SPAG16: variants seen among roughly 807,000 people sequenced by gnomAD.
SPAG16 encodes sperm-associated antigen 16 protein.
A neutral mutation model predicts 80.4 loss-of-function variants in SPAG16; 86 were observed. That is an observed-to-expected ratio of 1.07 (90% CI 0.90 to 1.28). The LOEUF (loss-of-function observed/expected upper bound fraction) is 1.28, where lower values mean the gene tolerates loss of function less well. Among genes scored for constraint, SPAG16 ranks in the 50% most tolerant of loss-of-function variants. The probability of loss-of-function intolerance (pLI) is 0.00; values close to 1 mark genes in which losing one functional copy is unlikely to be tolerated. For missense variants in SPAG16, 870 were observed against 765.3 expected, an observed-to-expected ratio of 1.14 and a Z score of -1.61; for synonymous variants, 294 against 265.9, an observed-to-expected ratio of 1.11 and a Z score of -1.03.
chr2:213,507,899 A>G (rs2075032660), intron 10 of SPAG16, among the ~76,000 whole-genome samples: 1 of 152,340 alleles, frequency 6.6e-6, no homozygotes, highest in Non-Finnish European at 1.5e-5. Context: ...TCATTAATCA[A>G]TAGTGTATGG....
At chr2:213,719,586 C>A (rs2066419390) in intron 10 of SPAG16, among the ~76,000 whole-genome samples, 1 of 152,204 alleles carries the variant, frequency 6.6e-6, no homozygotes, top group South Asian at 2.1e-4. Flanking sequence ...AAGCAGGCTG[C>A]CCGAGCCAGC....
intron 15 of SPAG16, among the ~76,000 whole-genome samples, chr2:214,187,211 C>T (rs1387308584): frequency 6.6e-6 from 1 of 151,424 alleles, no homozygotes; most frequent in Non-Finnish European, 1.5e-5. Context: ...TATATCCCCA[C>T]ACACACACAC....
intron 9 of SPAG16, 150 bp downstream of exon 9, chr2:213,375,269 A>C (rs1221076447): frequency 1.9e-6 from 1 of 517,308 alleles, no homozygotes; most frequent in African/African-American, 2.0e-5. Flanking sequence ...CAGTGGAGGT[A>C]TCCAAATGTT....
intron 14 of SPAG16, among the ~76,000 whole-genome samples, chr2:214,120,708 G>C (rs1054212177): frequency 1.3e-5 from 2 of 151,820 alleles, no homozygotes; most frequent in East Asian, 1.9e-4. Context: ...TACTGTGCTG[G>C]ATCCTACTTT....
intron 15 of SPAG16, among the ~76,000 whole-genome samples, chr2:214,399,622 A>G (rs531874407): frequency 1.3e-5 from 2 of 152,198 alleles, no homozygotes; most frequent in South Asian, 4.2e-4. Flanking sequence ...AAATGTAGTT[A>G]TGGTTTCAGT....
At chr2:214,256,395 C>G (rs1690685100) in intron 15 of SPAG16, among the ~76,000 whole-genome samples, 1 of 151,822 alleles carries the variant, frequency 6.6e-6, no homozygotes, top group Non-Finnish European at 1.5e-5. Context: ...TAGTTTGTGG[C>G]TTGCTCATTT....
At chr2:213,725,932 A>G (rs747946319) in intron 10 of SPAG16, among the ~76,000 whole-genome samples, 3 of 152,144 alleles carry the variant, frequency 2.0e-5, no homozygotes, top group Non-Finnish European at 2.9e-5. Flanking sequence ...AGGCAGGGGG[A>G]AAGTGGGGGA....
At chr2:213,807,192 T>C (rs1330167174) in intron 10 of SPAG16, among the ~76,000 whole-genome samples, 3 of 152,178 alleles carry the variant, frequency 2.0e-5, no homozygotes, top group African/African-American at 7.2e-5. Context: ...GTTTTTCTTC[T>C]TAAAACAGGA....
intron 5 of SPAG16, among the ~76,000 whole-genome samples, chr2:213,337,657 G>C: frequency 6.6e-6 from 1 of 151,852 alleles, no homozygotes; most frequent in Non-Finnish European, 1.5e-5. Context: ...AATAAGACAG[G>C]CAGACAAGAG....
chr2:213,456,784 G>A (rs2072041650), intron 9 of SPAG16, among the ~76,000 whole-genome samples: 1 of 151,988 alleles, frequency 6.6e-6, no homozygotes, highest in Non-Finnish European at 1.5e-5. Context: ...TGAATATTTT[G>A]TGAGGGAATT....
intron 15 of SPAG16, among the ~76,000 whole-genome samples, chr2:214,318,351 A>T (rs1186062080): frequency 6.6e-6 from 1 of 150,774 alleles, no homozygotes; most frequent in African/African-American, 2.5e-5. Context: ...GATGTACTTG[A>T]ATAAAAGAGT....
At chr2:213,297,195 T>C in intron 2 of SPAG16, 67 bp from the exon 3 acceptor site, 2 of 1,488,802 alleles carry the variant, frequency 1.3e-6, no homozygotes, top group South Asian at 1.2e-5. Context: ...AAATTATTTC[T>C]GAAGTGAAAT....
At chr2:213,780,554 A>C (rs1449095814) in intron 10 of SPAG16, among the ~76,000 whole-genome samples, 1 of 145,356 alleles carries the variant, frequency 6.9e-6, no homozygotes, top group African/African-American at 2.5e-5. Flanking sequence ...GCAGGTCCAA[A>C]CATTTTTCTT....
intron 12 of SPAG16, among the ~76,000 whole-genome samples, chr2:213,957,053 A>G (rs1475628743): frequency 6.6e-6 from 1 of 151,996 alleles, no homozygotes; most frequent in Non-Finnish European, 1.5e-5. Context: ...AATATGGTCT[A>G]TCCTGGAAAA....
intron 10 of SPAG16, among the ~76,000 whole-genome samples, chr2:213,847,862 GAC>G (rs71063790): frequency 0.55 from 81,714 of 149,790 alleles, 22,578 homozygotes; most frequent in Middle Eastern, 0.65. Flanking sequence ...ATAAACAAAT[GAC>G]ACACACACAC....
intron 10 of SPAG16, among the ~76,000 whole-genome samples, chr2:213,536,333 A>G (rs2076245939): frequency 6.6e-6 from 1 of 152,140 alleles, no homozygotes; most frequent in Non-Finnish European, 1.5e-5. Flanking sequence ...GTAGATACAT[A>G]AAGAATCTCC....
At chr2:213,575,214 C>T (rs1017829349) in intron 10 of SPAG16, among the ~76,000 whole-genome samples, 32 of 151,928 alleles carry the variant, frequency 2.1e-4, no homozygotes, top group African/African-American at 6.5e-4. Flanking sequence ...CTCAGGAAAC[C>T]GAGTATTCAT....
chr2:213,864,883 A>G (rs566443273), intron 11 of SPAG16, among the ~76,000 whole-genome samples: 4 of 152,234 alleles, frequency 2.6e-5, no homozygotes, highest in African/African-American at 7.2e-5. Flanking sequence ...AATAAATACA[A>G]TAGACATAGT....
chr2:213,928,216 C>G (rs1311585520), intron 11 of SPAG16, among the ~76,000 whole-genome samples: 1 of 151,398 alleles, frequency 6.6e-6, no homozygotes, highest in African/African-American at 2.4e-5. Flanking sequence ...TCCCGAGTAG[C>G]TGGGATTACA....
Sources: allele counts gnomAD v4.1 joint callset (sites outside exome capture counted in the v4.1 genomes callset), GRCh38; gene constraint gnomAD v4.1.1; transcripts MANE v1.5; gene names NCBI Gene and HGNC (gene_info 2026-07-23, HGNC 2026-07-21).